Variants in NOS1AP observed in about 807,000 individuals in gnomAD.
NOS1AP encodes the protein carboxyl-terminal PDZ ligand of neuronal nitric oxide synthase protein.
NOS1AP carries 21 observed loss-of-function variants against 56.2 expected under a neutral mutation model. That is an observed-to-expected ratio of 0.37 (90% CI 0.26 to 0.54). The LOEUF (loss-of-function observed/expected upper bound fraction) is 0.54. NOS1AP is among the 20% of genes least tolerant of loss of function. NOS1AP has a pLI of 0.84. For missense variants in NOS1AP, 522 were observed against 657.8 expected (o/e 0.79, Z 2.26); for synonymous variants, 270 against 274.6 (o/e 0.98, Z 0.17).
At chr1:162,114,190 C>G (rs993862755) in intron 1 of NOS1AP, among the ~76,000 whole-genome samples, 2 of 152,000 alleles carry the variant, frequency 1.3e-5, no homozygotes, top group African/African-American at 4.8e-5. Context: ...TCCAGCAGGA[C>G]AAGATCACCC....
chr1:162,113,120 T>C lies in NOS1AP; in HGVS notation c.106-41285T>C, dbSNP rs564020769. Reference sequence around the variant, plus strand: ...TACTGAGGGAGTTAAGTTGACAGGATCAGAGATGAGGATCCCTGGTTTCTA... The same window carrying C: ...TACTGAGGGAGTTAAGTTGACAGGACCAGAGATGAGGATCCCTGGTTTCTA... On this transcript the variant is annotated intron_variant, in intron 1 of 9. Coordinates refer to ENST00000361897, the MANE Select transcript of NOS1AP (RefSeq NM_014697.3). Among the ~76,000 whole-genome samples, 5 of 152,212 alleles carry C rather than the reference T, an allele frequency of 3.3e-5. No individual in the cohort carries two copies. The South Asian group carries it at 1.0e-3, about 32-fold the overall frequency.
chr1:162,128,768 C>A lies in NOS1AP; in HGVS notation c.106-25637C>A, dbSNP rs78167503. ...ATTCTACAAACAGGGAAAAAAAAAT[C>A]TGTTTCACATCCCACCCCCTGCTTT... On this transcript the variant is annotated intron_variant, in intron 1 of 9. Transcript: ENST00000361897. 4.0e-5 allele frequency among the ~76,000 whole-genome samples: 5 copies of A among 124,202 alleles called. No individual in the cohort carries two copies. In the South Asian group the frequency reaches 1.8e-3, roughly 44 times the overall value. The allele number at this position is 124,202 out of a possible 152,430, so 81.5% of individuals were successfully genotyped here. A position where few individuals can be genotyped will look rare whatever the true frequency, so the allele number is the denominator to read the frequency against.
chr1:162,111,950 A>G (rs1247879250), intron 1 of NOS1AP, among the ~76,000 whole-genome samples: 1 of 152,194 alleles, frequency 6.6e-6, no homozygotes, highest in Non-Finnish European at 1.5e-5. Flanking sequence ...GTGGTTGGTA[A>G]CAATTTATGG....
intron 2 of NOS1AP, among the ~76,000 whole-genome samples, chr1:162,260,563 C>T (rs1224379112): frequency 6.6e-6 from 1 of 152,154 alleles, no homozygotes; most frequent in Non-Finnish European, 1.5e-5. Flanking sequence ...TGATGACTAA[C>T]ACATACAAGT....
chr1:162,071,499 A>G (rs1015354061), intron 1 of NOS1AP, among the ~76,000 whole-genome samples: 2 of 151,938 alleles, frequency 1.3e-5, no homozygotes, highest in Admixed American at 6.6e-5. Flanking sequence ...GGTGAAGCTC[A>G]CCTTTTTTTC....
intron 2 of NOS1AP, among the ~76,000 whole-genome samples, chr1:162,262,299 A>G (rs2101707633): frequency 6.6e-6 from 1 of 152,302 alleles, no homozygotes; most frequent in African/African-American, 2.4e-5. Flanking sequence ...ATTAGTGGCC[A>G]ATGTATTTTC....
chr1:162,104,427 G>A (rs1291342055), intron 1 of NOS1AP, among the ~76,000 whole-genome samples: 4 of 152,108 alleles, frequency 2.6e-5, no homozygotes, highest in African/African-American at 9.7e-5. Flanking sequence ...AAGGTTCTCT[G>A]CATTTTCTGA....
At chr1:162,259,499 G>A (rs1458710167) in intron 2 of NOS1AP, among the ~76,000 whole-genome samples, 1 of 152,062 alleles carries the variant, frequency 6.6e-6, no homozygotes, top group Non-Finnish European at 1.5e-5. Flanking sequence ...TCTATAATAT[G>A]TGTGGAATTT....
At chr1:162,242,840 G>C (rs1557845861) in intron 2 of NOS1AP, among the ~76,000 whole-genome samples, 1 of 152,124 alleles carries the variant, frequency 6.6e-6, no homozygotes, top group African/African-American at 2.4e-5. Flanking sequence ...AAAACCTTCA[G>C]CTATCTCCTA....
intron 5 of NOS1AP, among the ~76,000 whole-genome samples, chr1:162,343,164 G>A (rs1467094383): frequency 6.6e-6 from 1 of 152,124 alleles, no homozygotes; most frequent in East Asian, 1.9e-4. Context: ...GTTAAATGGT[G>A]GAATACTGGG....
intron 5 of NOS1AP, among the ~76,000 whole-genome samples, chr1:162,337,999 A>G (rs1302164901): frequency 6.6e-6 from 1 of 152,246 alleles, no homozygotes; most frequent in Non-Finnish European, 1.5e-5. Flanking sequence ...TTTGATAGAT[A>G]TAAGCTGAAT....
chr1:162,221,526 ACACGCGCG>A lies in NOS1AP; in HGVS notation c.178-65814_178-65807del, dbSNP rs1449815659. On this transcript the variant is annotated intron_variant, in intron 2 of 9. Coordinates refer to ENST00000361897, the MANE Select transcript of NOS1AP (RefSeq NM_014697.3). ...TTTAATGCAACACACACACGCACAC[ACACGCGCG>A]CACACACACACACACACACACACAC... Among the ~76,000 whole-genome samples the A allele has an allele frequency of 5.1e-4, 27 of 52,674 alleles. No homozygotes were observed. In the East Asian group the frequency reaches 7.1e-3, roughly 14 times the overall value. 34.6% of individuals were successfully genotyped at this position (52,674 alleles called of 152,430 possible). A position where few individuals can be genotyped will look rare whatever the true frequency, so the allele number is the denominator to read the frequency against.
At chr1:162,216,653 A>G (rs1652579311) in intron 2 of NOS1AP, among the ~76,000 whole-genome samples, 1 of 152,214 alleles carries the variant, frequency 6.6e-6, no homozygotes, top group South Asian at 2.1e-4. Context: ...AGCATGACAA[A>G]CCTGCTGTAA....
intron 4 of NOS1AP, among the ~76,000 whole-genome samples, chr1:162,307,891 G>A (rs1369544301): frequency 1.3e-5 from 2 of 152,086 alleles, no homozygotes; most frequent in Non-Finnish European, 2.9e-5. Flanking sequence ...TTTTGAGCAA[G>A]TCAAAGTTAA....
chr1:162,345,105 C>A (rs1657240524), intron 6 of NOS1AP, among the ~76,000 whole-genome samples: 1 of 151,892 alleles, frequency 6.6e-6, no homozygotes, highest in Admixed American at 6.5e-5. Context: ...AATGTTAATT[C>A]TCTCTTTGTT....
At chr1:162,332,610 G>A (rs778244948) in intron 4 of NOS1AP, among the ~76,000 whole-genome samples, 5 of 152,172 alleles carry the variant, frequency 3.3e-5, no homozygotes, top group Admixed American at 6.5e-5. Context: ...GGTTCCCTAA[G>A]TTTCTGCATT....
Position 162,367,460 on chromosome 1 carries a change from C to T in NOS1AP, c.1514C>T (p.Ala505Val). 6.4e-7 allele frequency: 1 copy of T among 1,559,598 alleles called. No homozygotes were observed. ...GGCGACGGCCTGGATGATGAGATCG[C>T]CGTGTAGGTGCCGAGGGCGAGGAGA... Reference protein sequence around the residue: ...ELGDGLDDEIAV With the variant: ...ELGDGLDDEIVV The change falls in exon 10 of 10, where the codon GCC becomes GTC. Residue 505 changes from alanine to valine, a missense_variant. Physicochemically the swap from Ala to Val is moderately conservative, Grantham distance 64. Transcript: ENST00000361897. The surrounding 1 kb of genome is among the most constrained non-coding windows in gnomAD (Gnocchi z 6.5).
At chr1:162,261,263 T>C (rs1274398649) in intron 2 of NOS1AP, among the ~76,000 whole-genome samples, 1 of 138,424 alleles carries the variant, frequency 7.2e-6, no homozygotes, top group Non-Finnish European at 1.5e-5. Context: ...TCAAAATCAA[T>C]AACATTTAAT....
chr1:162,310,106 CA>C (rs1193549770), intron 4 of NOS1AP, among the ~76,000 whole-genome samples: 1 of 152,270 alleles, frequency 6.6e-6, no homozygotes, highest in Non-Finnish European at 1.5e-5. Flanking sequence ...TCCCTTCTTC[CA>C]CATCTTCACA....
Sources: gnomAD v4.1 joint callset for allele counts (sites outside exome capture counted in the v4.1 genomes callset) on GRCh38, gnomAD v4.1.1 for gene constraint, Gnocchi (gnomAD v3.1) non-coding constraint, MANE v1.5 for transcripts, NCBI Gene and HGNC (gene_info 2026-07-23, HGNC 2026-07-21) for gene names.